Variants in DENND1A observed in about 807,000 individuals in gnomAD.
The protein encoded by DENND1A is DENN domain containing 1A, also known as DENN domain-containing protein 1A.
DENND1A carries 51 observed loss-of-function variants against 113.7 expected under a neutral mutation model. The observed-to-expected ratio is 0.45, with a 90% CI of 0.36 to 0.57. The LOEUF is 0.57. DENND1A is among the 20% of genes least tolerant of loss of function. The pLI, the probability that DENND1A is intolerant of heterozygous loss-of-function variation, is 0.00. For synonymous variants in DENND1A, 565 were observed against 570.8 expected (o/e 0.99, Z 0.14); for missense variants, 1,258 against 1,395.9 (o/e 0.90, Z 1.57).
At chr9:123,440,897 G>A (rs1406694254) in intron 18 of DENND1A, among the ~76,000 whole-genome samples, 2 of 152,074 alleles carry the variant, frequency 1.3e-5, no homozygotes, top group Non-Finnish European at 2.9e-5. Flanking sequence ...TTGTTACAAA[G>A]TCATTACAAA....
chr9:123,386,413 G>A (rs1033996425), intron 22 of DENND1A, among the ~76,000 whole-genome samples: 26 of 137,852 alleles, frequency 1.9e-4, no homozygotes, highest in Admixed American at 7.0e-4. Flanking sequence ...GCAGAGTCTC[G>A]TTCTGTCACC....
intron 21 of DENND1A, among the ~76,000 whole-genome samples, chr9:123,402,292 C>T (rs1246417193): frequency 1.3e-5 from 2 of 152,176 alleles, no homozygotes; most frequent in African/African-American, 2.4e-5. Flanking sequence ...CTGGAACTTT[C>T]TGGGCAAAGT....
chr9:123,456,036 G>T (rs556690961), intron 15 of DENND1A, among the ~76,000 whole-genome samples: 26 of 152,220 alleles, frequency 1.7e-4, no homozygotes, highest in African/African-American at 6.0e-4. Flanking sequence ...TTACTCTATG[G>T]GGCTCTGGAC....
intron 10 of DENND1A, among the ~76,000 whole-genome samples, chr9:123,621,327 A>G (rs2060952028): frequency 6.6e-6 from 1 of 152,018 alleles, no homozygotes; most frequent in African/African-American, 2.4e-5. Flanking sequence ...CTGGGATTAC[A>G]GGCATGTACC....
intron 4 of DENND1A, among the ~76,000 whole-genome samples, chr9:123,765,850 A>G (rs1242930211): frequency 1.3e-5 from 2 of 152,202 alleles, no homozygotes; most frequent in East Asian, 3.8e-4. Context: ...CTTCACGTAC[A>G]CTGTAGGGTA....
chr9:123,781,093 A>G (rs1485284330), intron 3 of DENND1A, among the ~76,000 whole-genome samples: 1 of 152,216 alleles, frequency 6.6e-6, no homozygotes. Context: ...GATTTTGTGC[A>G]GTACTAGCCC....
chr9:123,469,800 G>C (rs2049253275), intron 13 of DENND1A, among the ~76,000 whole-genome samples: 1 of 152,186 alleles, frequency 6.6e-6, no homozygotes, highest in Non-Finnish European at 1.5e-5. Flanking sequence ...AGGTAGGTAG[G>C]ATGATGATCT....
At chr9:123,406,812 G>A (rs1268363425) in intron 20 of DENND1A, among the ~76,000 whole-genome samples, 3 of 152,186 alleles carry the variant, frequency 2.0e-5, no homozygotes, top group African/African-American at 4.8e-5. Context: ...TGAAGGAGCA[G>A]TTCTGCCCCT....
intron 5 of DENND1A, among the ~76,000 whole-genome samples, chr9:123,750,163 C>T (rs752166045): frequency 5.3e-5 from 8 of 152,206 alleles, no homozygotes; most frequent in Non-Finnish European, 1.0e-4. Context: ...AATCAACCTC[C>T]AACAGCAGGC....
At chr9:123,605,195 C>T (rs1033180482) in intron 11 of DENND1A, among the ~76,000 whole-genome samples, 1 of 152,160 alleles carries the variant, frequency 6.6e-6, no homozygotes, top group African/African-American at 2.4e-5. Flanking sequence ...TCACCTTTCC[C>T]TTCTCCTTCC....
chr9:123,660,350 T>C (rs1379952278), intron 8 of DENND1A, among the ~76,000 whole-genome samples: 1 of 152,208 alleles, frequency 6.6e-6, no homozygotes, highest in East Asian at 1.9e-4. Context: ...AATTGGTTCA[T>C]TAGTAGCAAA....
intron 13 of DENND1A, chr9:123,485,642 A>G (rs1379985988): frequency 6.6e-4 from 9 of 13,658 alleles, no homozygotes; most frequent in African/African-American, 1.3e-3. Flanking sequence ...GCGCGTACAC[A>G]CACGCGCGCG....
chr9:123,587,109 A>G (rs1022434093), intron 11 of DENND1A, among the ~76,000 whole-genome samples: 2 of 151,816 alleles, frequency 1.3e-5, no homozygotes, highest in African/African-American at 4.8e-5. Flanking sequence ...AATGCACTGG[A>G]TATACCAGCA....
At chr9:123,728,506 A>AAAAAAAAAAAAAAAAAAAAC (rs1564150268) in intron 5 of DENND1A, among the ~76,000 whole-genome samples, 22 of 145,902 alleles carry the variant, frequency 1.5e-4, no homozygotes, top group African/African-American at 5.9e-4. Flanking sequence ...AAAAAAAAAA[A>AAAAAAAAAAAAAAAAAAAAC]AAAACAGGCA....
At chr9:123,565,932 C>T (rs2058030107) in intron 12 of DENND1A, among the ~76,000 whole-genome samples, 1 of 152,174 alleles carries the variant, frequency 6.6e-6, no homozygotes, top group Non-Finnish European at 1.5e-5. Flanking sequence ...TTATCAAGCA[C>T]CCTACTAGTT....
intron 12 of DENND1A, among the ~76,000 whole-genome samples, chr9:123,566,946 C>T (rs1466564620): frequency 6.6e-6 from 1 of 150,882 alleles, no homozygotes; most frequent in Non-Finnish European, 1.5e-5. Flanking sequence ...CACACAAACA[C>T]ACACACACAA....
intron 5 of DENND1A, among the ~76,000 whole-genome samples, chr9:123,753,948 A>G (rs950440170): frequency 6.6e-6 from 1 of 152,372 alleles, no homozygotes; most frequent in Non-Finnish European, 1.5e-5. Flanking sequence ...CACATGGACC[A>G]GAAAGCATAG....
intron 18 of DENND1A, among the ~76,000 whole-genome samples, chr9:123,441,744 C>T (rs1271754420): frequency 6.6e-6 from 1 of 152,080 alleles, no homozygotes; most frequent in East Asian, 1.9e-4. Context: ...TGTTTCTTAC[C>T]AAATAAAAAT....
At chr9:123,659,011 G>A (rs1306038140) in intron 8 of DENND1A, among the ~76,000 whole-genome samples, 4 of 152,088 alleles carry the variant, frequency 2.6e-5, no homozygotes, top group African/African-American at 9.7e-5. Flanking sequence ...CACTTCTCTG[G>A]GCTTCATTTC....
Sources: allele counts gnomAD v4.1 joint callset (sites outside exome capture counted in the v4.1 genomes callset), GRCh38; gene constraint gnomAD v4.1.1; transcripts MANE v1.5; gene names NCBI Gene and HGNC (gene_info 2026-07-23, HGNC 2026-07-21).